The following NRXN1 variants were observed in gnomAD, a reference collection of about 807,000 sequenced individuals.
NRXN1 encodes the protein neurexin 1.
In NRXN1, 39 loss-of-function variants were observed where a neutral mutation model predicts 150.9. The observed-to-expected ratio is 0.26, with a 90% CI of 0.20 to 0.34. The LOEUF is 0.34. NRXN1 is among the 10% of genes least tolerant of loss of function. The pLI is 1.00. For synonymous variants in NRXN1, 924 were observed against 757.0 expected (o/e 1.22, Z -3.62); for missense variants, 1,815 against 1,949.9 (o/e 0.93, Z 1.30).
chr2:50,335,697 G>A (rs1029425056), intron 17 of NRXN1, among the ~76,000 whole-genome samples: 14 of 152,136 alleles, frequency 9.2e-5, no homozygotes, highest in Admixed American at 8.5e-4. Context: ...AAATTGTTGG[G>A]TTACTACACA....
chr2:50,093,866 G>T (rs1470780716), intron 18 of NRXN1, among the ~76,000 whole-genome samples: 1 of 151,832 alleles, frequency 6.6e-6, no homozygotes, highest in Non-Finnish European at 1.5e-5. Context: ...AAAAGCTATG[G>T]TTCAGATCCA....
intron 7 of NRXN1, among the ~76,000 whole-genome samples, chr2:50,620,767 G>C (rs1004310428): frequency 6.6e-5 from 10 of 151,980 alleles, no homozygotes; most frequent in Non-Finnish European, 1.3e-4. Flanking sequence ...GTTCAGAAAA[G>C]GAAAGAAAGA....
chr2:50,372,283 G>A (rs1418962437), intron 17 of NRXN1, among the ~76,000 whole-genome samples: 1 of 152,014 alleles, frequency 6.6e-6, no homozygotes, highest in Non-Finnish European at 1.5e-5. Context: ...TCCTTCTGGT[G>A]GATGTGTTCT....
chr2:50,295,151 A>G (rs1574968987), intron 17 of NRXN1, among the ~76,000 whole-genome samples: 2 of 152,136 alleles, frequency 1.3e-5, no homozygotes, highest in East Asian at 1.9e-4. Flanking sequence ...CTTCCTCCCT[A>G]CCCTCCATTG....
intron 5 of NRXN1, among the ~76,000 whole-genome samples, chr2:50,827,099 G>T (rs1185457393): frequency 6.6e-6 from 1 of 152,216 alleles, no homozygotes; most frequent in African/African-American, 2.4e-5. Context: ...GTAAAAAAAT[G>T]AGGACAGAAA....
At chr2:50,075,789 T>G (rs1696997180) in intron 19 of NRXN1, among the ~76,000 whole-genome samples, 1 of 78,224 alleles carries the variant, frequency 1.3e-5, no homozygotes, top group African/African-American at 8.3e-5. Context: ...ACGTGCTTGG[T>G]GACAAAGGAA....
intron 15 of NRXN1, among the ~76,000 whole-genome samples, chr2:50,480,607 G>A (rs899866404): frequency 2.6e-5 from 4 of 152,126 alleles, no homozygotes; most frequent in East Asian, 1.9e-4. Flanking sequence ...ATCCTCATCT[G>A]CACTTCCTTT....
At chr2:50,161,913 A>C (rs2059386314) in intron 18 of NRXN1, among the ~76,000 whole-genome samples, 1 of 152,150 alleles carries the variant, frequency 6.6e-6, no homozygotes, top group African/African-American at 2.4e-5. Flanking sequence ...TTTCTTTTGC[A>C]AAACACTCTG....
intron 5 of NRXN1, among the ~76,000 whole-genome samples, chr2:50,740,238 C>T (rs1699269343): frequency 6.6e-6 from 1 of 152,142 alleles, no homozygotes; most frequent in African/African-American, 2.4e-5. Flanking sequence ...CTGGTAGAAC[C>T]CTTCTAATGC....
intron 17 of NRXN1, among the ~76,000 whole-genome samples, chr2:50,306,447 A>G (rs1332548211): frequency 6.6e-6 from 1 of 152,210 alleles, no homozygotes; most frequent in Non-Finnish European, 1.5e-5. Flanking sequence ...GCAAACACTC[A>G]GTTCAAAAAT....
At chr2:50,595,179 C>A (rs551218594) in intron 8 of NRXN1, among the ~76,000 whole-genome samples, 119 of 152,020 alleles carry the variant, frequency 7.8e-4, no homozygotes, top group African/African-American at 2.6e-3. Flanking sequence ...ATGGTGAGAC[C>A]TCAGTGTGCT....
intron 18 of NRXN1, among the ~76,000 whole-genome samples, chr2:50,142,759 T>G (rs73932950): frequency 0.023 from 3,555 of 151,896 alleles, 139 homozygotes; most frequent in African/African-American, 0.081. Context: ...TTTAGAAATA[T>G]TAAAAACTGG....
chr2:50,291,198 G>A (rs1391913806), intron 17 of NRXN1, among the ~76,000 whole-genome samples: 3 of 150,598 alleles, frequency 2.0e-5, no homozygotes, highest in African/African-American at 7.3e-5. Flanking sequence ...TGGCTCACGT[G>A]CTTCCCACTT....
At chr2:50,905,778 T>G (rs903542912) in intron 5 of NRXN1, among the ~76,000 whole-genome samples, 5 of 152,150 alleles carry the variant, frequency 3.3e-5, no homozygotes, top group African/African-American at 9.7e-5. Flanking sequence ...ACATGACATA[T>G]GTATTTATGT....
At chr2:50,434,043 ATTTTTTTT>A (rs748364051) in intron 17 of NRXN1, among the ~76,000 whole-genome samples, 6 of 72,154 alleles carry the variant, frequency 8.3e-5, no homozygotes, top group Admixed American at 5.1e-4. Flanking sequence ...TATCTAAGCC[ATTTTTTTT>A]TTTTTTTTTT....
chr2:50,264,463 C>T (rs763850095), intron 17 of NRXN1, among the ~76,000 whole-genome samples: 7 of 151,926 alleles, frequency 4.6e-5, no homozygotes, highest in South Asian at 4.1e-4. Context: ...AGGTAAATTA[C>T]GGTCAGATGG....
chr2:50,313,056 C>T (rs1027084798), intron 17 of NRXN1, among the ~76,000 whole-genome samples: 31 of 151,870 alleles, frequency 2.0e-4, no homozygotes, highest in African/African-American at 7.3e-4. Context: ...TGGGTAAATG[C>T]TACAAAAAAT....
chr2:50,163,232 G>A (rs1276944328), intron 18 of NRXN1, among the ~76,000 whole-genome samples: 1 of 149,650 alleles, frequency 6.7e-6, no homozygotes, highest in East Asian at 1.9e-4. Flanking sequence ...AAACTAACAT[G>A]AATTTCCAAA....
chr2:51,001,081 C>T (rs1417825037), intron 2 of NRXN1, among the ~76,000 whole-genome samples: 1 of 151,826 alleles, frequency 6.6e-6, no homozygotes, highest in Non-Finnish European at 1.5e-5. Flanking sequence ...TGCCTTTCCC[C>T]ATTTGGTGAA....
Sources: gnomAD v4.1 joint callset for allele counts (sites outside exome capture counted in the v4.1 genomes callset) on GRCh38, gnomAD v4.1.1 for gene constraint, MANE v1.5 for transcripts, NCBI Gene and HGNC (gene_info 2026-07-23, HGNC 2026-07-21) for gene names.